CCNH: variants seen among roughly 807,000 people sequenced by gnomAD.
CCNH encodes the protein cyclin-H.
Under a neutral mutation model 41.9 loss-of-function variants are expected in CCNH, and 31 were observed. The observed-to-expected ratio is 0.74, with a 90% CI of 0.56 to 1.00. The LOEUF (loss-of-function observed/expected upper bound fraction) is 1.00. Ranked by LOEUF, CCNH falls within the 50% of genes least tolerant of loss-of-function variation. CCNH has a pLI of 0.00. For synonymous variants in CCNH, 138 were observed against 136.1 expected, an observed-to-expected ratio of 1.01 and a Z score of -0.10; for missense variants, 362 against 388.4, an observed-to-expected ratio of 0.93 and a Z score of 0.57.
chr5:87,405,862 T>A (rs1763750424), intron 4 of CCNH, among the ~76,000 whole-genome samples: 1 of 152,020 alleles, frequency 6.6e-6, no homozygotes, highest in South Asian at 2.1e-4. Context: ...CCAACAAACT[T>A]TCGCTTTGCA....
chr5:87,314,200 A>C (rs892392544), downstream of CCNH, among the ~76,000 whole-genome samples: 12 of 152,076 alleles, frequency 7.9e-5, no homozygotes, highest in Non-Finnish European at 1.6e-4. Flanking sequence ...AAAAATAAAA[A>C]AATAAAGAAA....
chr5:87,332,463 G>T, intron 9 of CCNH: 3 of 1,546,710 alleles, frequency 1.9e-6, no homozygotes, highest in East Asian at 2.3e-5. Flanking sequence ...TTTAAAATTG[G>T]CTGTAAAGAT....
At chr5:87,346,911 T>TC (rs1758903200) in intron 9 of CCNH, among the ~76,000 whole-genome samples, 1 of 152,048 alleles carries the variant, frequency 6.6e-6, no homozygotes, top group South Asian at 2.1e-4. Context: ...TAAAATTTAG[T>TC]CAAGTGTGTT....
At chr5:87,354,677 G>A (rs1217680920) in intron 9 of CCNH, among the ~76,000 whole-genome samples, 1 of 152,122 alleles carries the variant, frequency 6.6e-6, no homozygotes, top group African/African-American at 2.4e-5. Flanking sequence ...CTCACATTAA[G>A]TCAAAAGCTA....
chr5:87,322,174 A>C (rs1756870423), intron 9 of CCNH, among the ~76,000 whole-genome samples: 1 of 152,104 alleles, frequency 6.6e-6, no homozygotes, highest in South Asian at 2.1e-4. Flanking sequence ...AGGGGTCCTC[A>C]ACCCCTACTC....
intron 9 of CCNH, among the ~76,000 whole-genome samples, chr5:87,383,290 A>G (rs1351186616): frequency 3.3e-5 from 5 of 152,140 alleles, no homozygotes; most frequent in African/African-American, 1.2e-4. Context: ...AAGTTCTAAA[A>G]TTGTACAGAA....
chr5:87,359,850 T>TTC (rs1334203825), intron 9 of CCNH, among the ~76,000 whole-genome samples: 1 of 152,232 alleles, frequency 6.6e-6, no homozygotes, highest in African/African-American at 2.4e-5. Flanking sequence ...CAAATTTTTG[T>TTC]TCCATGTTTT....
chr5:87,412,648 G>A lies in CCNH; in HGVS notation c.117+30C>T, dbSNP rs371694775. The A allele has an allele frequency of 6.2e-6, 10 of 1,611,264 alleles. No individual in the cohort carries two copies. The African/African-American group carries it at 1.3e-4, about 22-fold the overall frequency. On this transcript the variant is annotated intron_variant, in intron 1 of 8. Coordinates refer to ENST00000256897, the MANE Select transcript of CCNH (RefSeq NM_001239.4). ...CAGCTGCTCAGAATTTAGTGACCGG[G>A]CAACTGGGCAACCGTTGGGAAAACC... is the stretch of plus-strand genomic sequence containing the variant.
intron 9 of CCNH, chr5:87,385,163 C>T (rs995428097): frequency 3.9e-5 from 26 of 673,140 alleles, no homozygotes; most frequent in South Asian, 6.9e-5. Flanking sequence ...AACATTTTTC[C>T]AAAAACATTC....
intron 1 of CCNH, 39 bp from the exon 2 acceptor site, chr5:87,411,385 A>G (rs767744857): frequency 6.4e-7 from 1 of 1,564,390 alleles, no homozygotes; most frequent in Non-Finnish European, 8.6e-7. Flanking sequence ...CAATGAATTC[A>G]ATGAATTAAA....
chr5:87,381,276 G>C (rs1761695723), upstream of CCNH, among the ~76,000 whole-genome samples: 1 of 152,182 alleles, frequency 6.6e-6, no homozygotes, highest in African/African-American at 2.4e-5. Context: ...TGGTGGCTAA[G>C]GCAGAACTAA....
At chr5:87,359,129 A>G (rs1446890587) in intron 9 of CCNH, among the ~76,000 whole-genome samples, 16 of 152,216 alleles carry the variant, frequency 1.1e-4, no homozygotes, top group South Asian at 2.1e-4. Flanking sequence ...CTCAAGAACT[A>G]CAACAGTGCC....
rs575595883 is a variant in CCNH, at chr5:87,345,851, G to C, written c.*91-26954C>G. ...AGAAGATCCCACAAAGTAGTAGATA[G>C]GTGATCGGGAATTGTCAGCCTGGCA... On this transcript the variant is annotated intron_variant and NMD_transcript_variant, in intron 9 of 9. Coordinates refer to the CCNH transcript ENST00000645953. Among the ~76,000 whole-genome samples, 4 of 152,210 alleles carry C rather than the reference G, an allele frequency of 2.6e-5. 1 individual carries two copies. In the South Asian group the frequency reaches 8.3e-4, roughly 32 times the overall value.
intron 9 of CCNH, among the ~76,000 whole-genome samples, chr5:87,324,922 CACTTT>C (rs1319155520): frequency 6.6e-6 from 1 of 152,082 alleles, no homozygotes; most frequent in Non-Finnish European, 1.5e-5. Context: ...CTTTCCTCTT[CACTTT>C]AAGAAATCAG....
At chr5:87,356,088 T>C (rs776933158) in intron 9 of CCNH, among the ~76,000 whole-genome samples, 1 of 152,188 alleles carries the variant, frequency 6.6e-6, no homozygotes, top group Non-Finnish European at 1.5e-5. Context: ...TGAAAACAAA[T>C]AATTTAGAAT....
At position 87,404,930 on chromosome 5, in the gene CCNH, C is replaced by T. The variant is rs371391295; in HGVS notation, c.603G>A (p.Thr201=). Residue 201 remains threonine, a synonymous_variant, in exon 5 of 9, where the codon ACG becomes ACA. Transcript: ENST00000256897. ...ADDFLNRIAL[T]DAYLLYTPSQ... ...AAGGTGTGTATAAAAGGTAAGCATC[C>T]GTCAATGCAATTCTATTAAGAAAGT... 3.7e-6 allele frequency: 6 copies of T among 1,612,606 alleles called. No homozygotes were observed. The highest frequency in any genetic ancestry group is 1.7e-5 in the Admixed American group (1 of 59,932).
intron 9 of CCNH, among the ~76,000 whole-genome samples, chr5:87,336,182 A>T (rs945194465): frequency 3.9e-5 from 6 of 152,176 alleles, no homozygotes; most frequent in Non-Finnish European, 5.9e-5. Context: ...TAAAACAGTG[A>T]TATTCTCACT....
chr5:87,406,501 A>T (rs1415993969), intron 4 of CCNH, among the ~76,000 whole-genome samples: 1 of 152,152 alleles, frequency 6.6e-6, no homozygotes, highest in African/African-American at 2.4e-5. Context: ...AAATCCAAAA[A>T]ATTCAAAATC....
At chr5:87,383,141 A>G (rs1761839333) in intron 9 of CCNH, among the ~76,000 whole-genome samples, 1 of 152,088 alleles carries the variant, frequency 6.6e-6, no homozygotes, top group South Asian at 2.1e-4. Flanking sequence ...CCAGTGTTCT[A>G]TTATAGACAT....
Sources: allele counts gnomAD v4.1 joint callset (sites outside exome capture counted in the v4.1 genomes callset), GRCh38; gene constraint gnomAD v4.1.1; transcripts MANE v1.5; gene names NCBI Gene and HGNC (gene_info 2026-07-23, HGNC 2026-07-21).